The following PDE1B variants were observed in gnomAD, a reference collection of about 807,000 sequenced individuals.
The protein encoded by PDE1B is phosphodiesterase 1B.
PDE1B carries 13 observed loss-of-function variants against 66.7 expected under a neutral mutation model. The observed-to-expected ratio is 0.19, with a 90% CI of 0.13 to 0.31. The LOEUF (loss-of-function observed/expected upper bound fraction) is 0.31. Among genes scored for constraint, PDE1B ranks in the 10% least tolerant of loss-of-function variants. PDE1B has a pLI of 1.00. For synonymous variants in PDE1B, 230 were observed against 253.9 expected (o/e 0.91, Z 0.90); for missense variants, 485 against 682.3 (o/e 0.71, Z 3.22).
In PDE1B at chr12:54,577,623, G is replaced by A. The variant is rs368626839; in HGVS notation, c.*18-237G>A. The stretch of plus-strand genomic sequence containing the variant: ...TGCCAGGTGACAGCTAACCTGCACC[G>A]CACCTTAGGGAGGGTTAGGGAAAAG... On this transcript the variant is annotated intron_variant, in intron 15 of 15. Coordinates refer to ENST00000243052, the MANE Select transcript of PDE1B (RefSeq NM_000924.4). The A allele has an allele frequency of 5.2e-5, 73 of 1,406,612 alleles. No homozygotes were observed. The African/African-American group carries it at 5.4e-4, about 10-fold the overall frequency. 87.1% of individuals were successfully genotyped at this position (1,406,612 alleles called of 1,614,324 possible). A position where few individuals can be genotyped will look rare whatever the true frequency, so the allele number is the denominator to read the frequency against.
chr12:54,554,746 C>T (rs1405212180), intron 2 of PDE1B, among the ~76,000 whole-genome samples: 1 of 152,188 alleles, frequency 6.6e-6, no homozygotes, highest in Non-Finnish European at 1.5e-5. Flanking sequence ...TTCGAGTTCA[C>T]ATTCTGCCCT....
intron 2 of PDE1B, chr12:54,550,270 A>G: frequency 1.6e-6 from 2 of 1,278,960 alleles, no homozygotes; most frequent in Non-Finnish European, 2.0e-6. Context: ...GCAGCACAGT[A>G]TATGCAGTGT....
At chr12:54,561,751 A>C in intron 2 of PDE1B, 1 of 667,152 alleles carries the variant, frequency 1.5e-6, no homozygotes, top group Non-Finnish European at 2.5e-6. Flanking sequence ...AGTCCCCCAT[A>C]TGTTTTGTGC....
intron 6 of PDE1B, 89 bp from the exon 7 acceptor site, chr12:54,572,512 C>G: frequency 7.8e-7 from 1 of 1,277,168 alleles, no homozygotes; most frequent in Non-Finnish European, 1.1e-6. Context: ...GCCACACTGC[C>G]TTCTAAAGAA....
Position 54,576,719 on chromosome 12 carries a change from G to C in PDE1B, c.1507+18G>C. The C allele has an allele frequency of 6.3e-7, 1 of 1,588,368 alleles. No individual in the cohort carries two copies. The highest frequency in any genetic ancestry group is 8.6e-7 in the Non-Finnish European group (1 of 1,166,282). On this transcript the variant is annotated intron_variant, in intron 14 of 15. Coordinates refer to ENST00000243052, the MANE Select transcript of PDE1B (RefSeq NM_000924.4). ...AGCAAGTGGTGGGTACCATGGCAGA[G>C]GGCAGGGGTGAGAACTTGTGTGGGT...
At chr12:54,567,206 G>A in intron 3 of PDE1B, 119 bp downstream of exon 3, 1 of 516,408 alleles carries the variant, frequency 1.9e-6, no homozygotes, top group Non-Finnish European at 3.5e-6. Flanking sequence ...AAGAGAGAGG[G>A]TGGACCAGAT....
intron 15 of PDE1B, 28 bp downstream of exon 15, chr12:54,577,373 G>A: frequency 6.2e-7 from 1 of 1,611,212 alleles, no homozygotes; most frequent in Non-Finnish European, 8.5e-7. Flanking sequence ...GAGGGTGTAG[G>A]AGAGCTGGTG....
intron 2 of PDE1B, chr12:54,561,505 A>G: frequency 1.4e-6 from 2 of 1,407,030 alleles, no homozygotes; most frequent in Non-Finnish European, 1.9e-6. Context: ...GGGGCCAAAG[A>G]GGAAGTTGTC....
intron 2 of PDE1B, among the ~76,000 whole-genome samples, chr12:54,558,765 G>C (rs1483235566): frequency 2.6e-5 from 4 of 152,242 alleles, no homozygotes; most frequent in African/African-American, 7.2e-5. Context: ...TGGATGGAAA[G>C]TCAGGGGTCC....
chr12:54,568,467 TACAC>T lies in PDE1B; in HGVS notation c.228-676_228-673del, dbSNP rs56360853. Among the ~76,000 whole-genome samples the T allele has an allele frequency of 5.6e-3, 806 of 143,472 alleles. 6 individuals carry two copies. Among genetic ancestry groups the T allele is most frequent in the African/African-American group, 0.019 (717 of 37,336 alleles). 94.1% of individuals were successfully genotyped at this position (143,472 alleles called of 152,430 possible). A position where few individuals can be genotyped will look rare whatever the true frequency, so the allele number is the denominator to read the frequency against. On this transcript the variant is annotated intron_variant, in intron 3 of 15. Transcript: ENST00000243052. ...GATAAAGTGAGACCCTGTCTAAAAA[TACAC>T]ACACACACACACACACACACACACA...
intron 14 of PDE1B, 189 bp from the exon 15 acceptor site, chr12:54,577,036 G>A (rs1957766560): frequency 4.8e-6 from 3 of 623,778 alleles, no homozygotes; most frequent in Non-Finnish European, 8.4e-6. Context: ...GGGGTGGTAG[G>A]GTGGTGTTGA....
chr12:54,562,203 C>T (rs1957430373), intron 2 of PDE1B, among the ~76,000 whole-genome samples: 1 of 152,060 alleles, frequency 6.6e-6, no homozygotes, highest in African/African-American at 2.4e-5. Context: ...TTTGGAAATC[C>T]CCAGAACACC....
At chr12:54,564,184 C>A (rs979561197) in intron 2 of PDE1B, among the ~76,000 whole-genome samples, 23 of 152,164 alleles carry the variant, frequency 1.5e-4, no homozygotes, top group African/African-American at 4.6e-4. Flanking sequence ...AATAACACCC[C>A]CCACACCCAT....
At chr12:54,550,287 G>T in intron 2 of PDE1B, 1 of 1,195,612 alleles carries the variant, frequency 8.4e-7, no homozygotes, top group Non-Finnish European at 1.1e-6. Context: ...GTGTGGCAGG[G>T]CTGCAGGAGG....
rs938369450 is a variant in PDE1B at position 54,578,172 on chromosome 12, G to T, written c.*330G>T. The T allele has an allele frequency of 6.6e-6, 1 of 152,262 alleles. No individual in the cohort carries two copies. Among genetic ancestry groups the T allele is most frequent in the South Asian group, 2.1e-4 (1 of 4,832 alleles). The allele number at this position is 152,262 out of a possible 1,614,324, so 9.4% of individuals were successfully genotyped here. On this transcript the variant is annotated 3_prime_UTR_variant, in exon 16 of 16. Coordinates refer to ENST00000243052, the MANE Select transcript of PDE1B (RefSeq NM_000924.4). ...TTCCTGGAGGCTTCCCAGGGCCTTG[G>T]GGAAGGGTCAGAGATGCCAGCCCCC...
Position 54,577,882 on chromosome 12 carries a change from T to C in PDE1B, c.*40T>C, listed in dbSNP as rs1240742045. 4.4e-6 allele frequency: 1 copy of C among 227,046 alleles called. No homozygotes were observed. Among genetic ancestry groups the C allele is most frequent in the Non-Finnish European group, 8.6e-6 (1 of 116,922 alleles). The allele number at this position is 227,046 out of a possible 1,614,324, so 14.1% of individuals were successfully genotyped here. A position where few individuals can be genotyped will look rare whatever the true frequency, so the allele number is the denominator to read the frequency against. The stretch of plus-strand genomic sequence containing the variant: ...CAGGTCTTCATTGAGTCCAAAGTGT[T>C]TGATGTCATCAGCACCATCCATCAG... On this transcript the variant is annotated 3_prime_UTR_variant, in exon 16 of 16. Transcript: ENST00000243052.
chr12:54,551,930 G>A (rs993121632), intron 2 of PDE1B, among the ~76,000 whole-genome samples: 4 of 152,204 alleles, frequency 2.6e-5, no homozygotes, highest in Admixed American at 2.0e-4. Flanking sequence ...CACTTCAGCA[G>A]TCTGGTCCTT....
At position 54,575,305 on chromosome 12, in the gene PDE1B, C is replaced by T. The variant is rs1330576844; in HGVS notation, c.1185+87C>T. 8.4e-6 allele frequency: 10 copies of T among 1,192,060 alleles called. No individual in the cohort carries two copies. Among genetic ancestry groups the T allele is most frequent in the South Asian group, 1.3e-5 (1 of 76,738 alleles). 73.8% of individuals were successfully genotyped at this position (1,192,060 alleles called of 1,614,324 possible). A position where few individuals can be genotyped will look rare whatever the true frequency, so the allele number is the denominator to read the frequency against. On this transcript the variant is annotated intron_variant, in intron 11 of 15. Coordinates refer to ENST00000243052, the MANE Select transcript of PDE1B (RefSeq NM_000924.4). This position sits in a 1 kb window ranked among gnomAD's most constrained non-coding sequence, Gnocchi z 4.0. The stretch of plus-strand genomic sequence containing the variant: ...AAGTTCCCCAATCCTGTTCCACATC[C>T]TCCTTTTGCTACCTGTAGTCTCTGA...
At chr12:54,564,644 CA>C (rs112890532) in intron 2 of PDE1B, among the ~76,000 whole-genome samples, 85 of 148,998 alleles carry the variant, frequency 5.7e-4, no homozygotes, top group African/African-American at 1.9e-3. Context: ...AACAAACAAA[CA>C]AAAAAAAACA....
Sources: gnomAD v4.1 joint callset for allele counts (sites outside exome capture counted in the v4.1 genomes callset) on GRCh38, gnomAD v4.1.1 for gene constraint, Gnocchi (gnomAD v3.1) non-coding constraint, MANE v1.5 for transcripts, NCBI Gene and HGNC (gene_info 2026-07-23, HGNC 2026-07-21) for gene names.